ALCAM: variants seen among roughly 807,000 people sequenced by gnomAD.
ALCAM encodes activated leukocyte cell adhesion molecule.
In ALCAM, 30 loss-of-function variants were observed where a neutral mutation model predicts 70.9. The observed-to-expected ratio is 0.42, with a 90% CI of 0.32 to 0.57. The LOEUF (loss-of-function observed/expected upper bound fraction) is 0.57, where lower values mean the gene tolerates loss of function less well. Ranked by LOEUF, ALCAM falls within the 20% of genes least tolerant of loss-of-function variation. The pLI is 0.11. For missense variants in ALCAM, 591 were observed against 695.1 expected (o/e 0.85, Z 1.68); for synonymous variants, 249 against 242.5 (o/e 1.03, Z -0.25).
chr3:105,550,394 C>T, intron 12 of ALCAM, 135 bp downstream of exon 12: 1 of 887,932 alleles, frequency 1.1e-6, no homozygotes, highest in Non-Finnish European at 1.6e-6. Flanking sequence ...TTGGTATCAT[C>T]ATCATAAGGT....
chr3:105,492,691 T>C (rs1938620720), intron 1 of ALCAM, among the ~76,000 whole-genome samples: 1 of 152,232 alleles, frequency 6.6e-6, no homozygotes, highest in South Asian at 2.1e-4. Flanking sequence ...AATAATACAT[T>C]AGCAATGTAA....
At chr3:105,535,991 G>C (rs1576227983) in intron 6 of ALCAM, among the ~76,000 whole-genome samples, 5 of 151,950 alleles carry the variant, frequency 3.3e-5, no homozygotes, top group Admixed American at 3.3e-4. Context: ...TTAAACTTGG[G>C]AAATAAGTTT....
chr3:105,564,444 C>T lies in ALCAM; in HGVS notation c.1665-7408C>T, dbSNP rs554670857. Among the ~76,000 whole-genome samples the T allele has an allele frequency of 2.1e-4, 32 of 152,290 alleles. No individual in the cohort carries two copies. The Middle Eastern group carries it at 0.01, about 49-fold the overall frequency. Reference sequence around the variant, plus strand: ...TTTTGTATCTACTTATTTACTCCTTCCAGCACTCTTCTTATTTTTAGTGGA... The same window carrying T: ...TTTTGTATCTACTTATTTACTCCTTTCAGCACTCTTCTTATTTTTAGTGGA... On this transcript the variant is annotated intron_variant, in intron 14 of 15. Coordinates refer to ENST00000306107, the MANE Select transcript of ALCAM (RefSeq NM_001627.4).
rs1431947165 is a variant in ALCAM at position 105,504,606 on chromosome 3, A to C, written c.74-15461A>C. Among the ~76,000 whole-genome samples the C allele has an allele frequency of 5.3e-5, 8 of 152,148 alleles. 1 individual carries two copies. The East Asian group carries it at 1.5e-3, about 29-fold the overall frequency. ...CCGGCCTGCTGGTGCCTGTCAATAC[A>C]TACCTCTTGACGTCCAGCTGCTCGT... On this transcript the variant is annotated intron_variant, in intron 1 of 15. Coordinates refer to ENST00000306107, the MANE Select transcript of ALCAM (RefSeq NM_001627.4).
intron 1 of ALCAM, among the ~76,000 whole-genome samples, chr3:105,442,299 A>C (rs1416822651): frequency 3.3e-5 from 5 of 152,196 alleles, no homozygotes; most frequent in Non-Finnish European, 5.9e-5. Flanking sequence ...AAGTAAAATG[A>C]ACTATTATTT....
At chr3:105,404,283 G>A (rs1208289714) in intron 1 of ALCAM, among the ~76,000 whole-genome samples, 2 of 152,102 alleles carry the variant, frequency 1.3e-5, no homozygotes, top group African/African-American at 4.8e-5. Flanking sequence ...TAGGCATGTA[G>A]TCATCGTTAT....
At chr3:105,404,320 A>T (rs1936165380) in intron 1 of ALCAM, among the ~76,000 whole-genome samples, 1 of 152,194 alleles carries the variant, frequency 6.6e-6, no homozygotes, top group Non-Finnish European at 1.5e-5. Context: ...AAAGAATCTT[A>T]AGAGCTGTGA....
At position 105,381,712 on chromosome 3, in the gene ALCAM, C is replaced by T. The variant is rs79444421; in HGVS notation, c.73+14231C>T. Among the ~76,000 whole-genome samples the T allele has an allele frequency of 2.1e-3, 316 of 151,742 alleles. 3 individuals carry two copies. In the East Asian group the frequency reaches 0.03, roughly 15 times the overall value. ...TATACAAGTGACTGTGCTCGAAAGA[C>T]ATTTATGTAGACTCTGTAGATTCAG... On this transcript the variant is annotated intron_variant, in intron 1 of 15. Coordinates refer to ENST00000306107, the MANE Select transcript of ALCAM (RefSeq NM_001627.4).
intron 14 of ALCAM, among the ~76,000 whole-genome samples, chr3:105,568,063 A>ATTTTT (rs71111369): frequency 7.7e-5 from 9 of 116,928 alleles, no homozygotes; most frequent in South Asian, 2.8e-4. Context: ...ATTTTATTTT[A>ATTTTT]TTTTTTTTTT....
intron 1 of ALCAM, among the ~76,000 whole-genome samples, chr3:105,369,449 G>T (rs1324340645): frequency 2.6e-5 from 4 of 152,184 alleles, no homozygotes. Flanking sequence ...ATCGGCCCTG[G>T]ACCCTCAGAT....
chr3:105,514,490 G>A (rs1939327871), intron 1 of ALCAM, among the ~76,000 whole-genome samples: 1 of 151,936 alleles, frequency 6.6e-6, no homozygotes, highest in Admixed American at 6.6e-5. Context: ...GCACAGCAAT[G>A]TAAATATCGA....
chr3:105,415,843 A>G (rs1218928060), intron 1 of ALCAM, among the ~76,000 whole-genome samples: 2 of 152,104 alleles, frequency 1.3e-5, no homozygotes, highest in African/African-American at 4.8e-5. Flanking sequence ...CTGTCATGCT[A>G]TATGTAGCTT....
chr3:105,477,247 G>T (rs538848390), intron 1 of ALCAM, among the ~76,000 whole-genome samples: 2 of 151,884 alleles, frequency 1.3e-5, no homozygotes, highest in Non-Finnish European at 2.9e-5. Context: ...CTTTTCTAAT[G>T]CTCTTCATTT....
At chr3:105,509,887 T>G (rs956234509) in intron 1 of ALCAM, among the ~76,000 whole-genome samples, 1 of 152,124 alleles carries the variant, frequency 6.6e-6, no homozygotes, top group Non-Finnish European at 1.5e-5. Flanking sequence ...AATGTTAAAC[T>G]CATTTTTTGT....
At chr3:105,472,239 T>C (rs1175595693) in intron 1 of ALCAM, among the ~76,000 whole-genome samples, 3 of 151,484 alleles carry the variant, frequency 2.0e-5, no homozygotes, top group Non-Finnish European at 4.4e-5. Flanking sequence ...CATTCCTTTA[T>C]GAATTAATTT....
intron 1 of ALCAM, among the ~76,000 whole-genome samples, chr3:105,405,139 T>G (rs1936190237): frequency 6.6e-6 from 1 of 151,632 alleles, no homozygotes. Flanking sequence ...TAGCTGGGCG[T>G]GGTGGCACAT....
intron 1 of ALCAM, among the ~76,000 whole-genome samples, chr3:105,377,128 T>C (rs924888451): frequency 6.6e-6 from 1 of 152,162 alleles, no homozygotes; most frequent in Non-Finnish European, 1.5e-5. Flanking sequence ...CATTTAACAG[T>C]ACATTTTGGA....
At chr3:105,435,968 A>C (rs1030298237) in intron 1 of ALCAM, among the ~76,000 whole-genome samples, 1 of 152,124 alleles carries the variant, frequency 6.6e-6, no homozygotes, top group African/African-American at 2.4e-5. Context: ...CAAGTCTCAC[A>C]ATCATGGTGG....
In ALCAM at chr3:105,469,895, G is replaced by A. The variant is rs542694644; in HGVS notation, c.74-50172G>A. ...ACAGTGCAATCATCATCTCATATTG[G>A]AACTTAAATTCCCTGGCTTACTTCA... is the stretch of plus-strand genomic sequence containing the variant. On this transcript the variant is annotated intron_variant, in intron 1 of 15. Coordinates refer to ENST00000306107, the MANE Select transcript of ALCAM (RefSeq NM_001627.4). 8.0e-5 allele frequency among the ~76,000 whole-genome samples: 12 copies of A among 150,618 alleles called. No individual in the cohort carries two copies. In the East Asian group the frequency reaches 2.3e-3, roughly 29 times the overall value.
Sources: gnomAD v4.1 joint callset for allele counts (sites outside exome capture counted in the v4.1 genomes callset) on GRCh38, gnomAD v4.1.1 for gene constraint, MANE v1.5 for transcripts, NCBI Gene and HGNC (gene_info 2026-07-23, HGNC 2026-07-21) for gene names.